TCF4: variants seen among roughly 807,000 people sequenced by gnomAD.
TCF4 encodes transcription factor 4.
In TCF4, 3 loss-of-function variants were observed where a neutral mutation model predicts 82.1. That is an observed-to-expected ratio of 0.04 (90% confidence interval 0.02 to 0.09). TCF4 has a LOEUF of 0.09. Among genes scored for constraint, TCF4 ranks in the 10% least tolerant of loss-of-function variants. The probability of loss-of-function intolerance (pLI) is 1.00; values close to 1 mark genes in which losing one functional copy is unlikely to be tolerated. For missense variants in TCF4, 518 were observed against 852.7 expected, an observed-to-expected ratio of 0.61 and a Z score of 4.89; for synonymous variants, 276 against 309.6, an observed-to-expected ratio of 0.89 and a Z score of 1.14.
intron 2 of TCF4, among the ~76,000 whole-genome samples, chr18:55,593,761 T>C (rs2097688105): frequency 6.6e-6 from 1 of 152,100 alleles, no homozygotes; most frequent in Non-Finnish European, 1.5e-5. Context: ...CATCCAAAGA[T>C]GCAGCAAGTA....
At chr18:55,579,454 CAA>C (rs34291028) in intron 3 of TCF4, among the ~76,000 whole-genome samples, 46 of 150,246 alleles carry the variant, frequency 3.1e-4, no homozygotes, top group East Asian at 1.9e-3. Context: ...TCATAAAATA[CAA>C]AAAAAAAAAT....
intron 15 of TCF4, 96 bp from the exon 16 acceptor site, chr18:55,234,779 A>C (rs979543004): frequency 3.9e-5 from 62 of 1,583,560 alleles, no homozygotes; most frequent in Non-Finnish European, 5.2e-5. Context: ...CTGGCTTTTC[A>C]AAAACCATAC....
intron 4 of TCF4, among the ~76,000 whole-genome samples, chr18:55,462,506 T>A (rs1481093614): frequency 6.6e-6 from 1 of 152,150 alleles, no homozygotes; most frequent in Non-Finnish European, 1.5e-5. Context: ...TTAGAAAATA[T>A]AAATTACACA....
rs151234242 is a variant in TCF4, at chr18:55,395,028, T to C, written c.369+8426A>G. Reference sequence around the variant, plus strand: ...TGTTGCTATCTTTCAGTGTTGCCAATATTTTAATTTGGGGGTTCAGTTTTA... The same window carrying C: ...TGTTGCTATCTTTCAGTGTTGCCAACATTTTAATTTGGGGGTTCAGTTTTA... On this transcript the variant is annotated intron_variant, in intron 6 of 19. Coordinates refer to ENST00000354452, the MANE Select transcript of TCF4 (RefSeq NM_001083962.2). Among the ~76,000 whole-genome samples, 1,031 of 152,336 alleles carry C rather than the reference T, an allele frequency of 6.8e-3. 9 individuals are homozygous for C. The highest frequency in any genetic ancestry group is 0.014 in the Middle Eastern group (4 of 294).
Position 55,567,310 on chromosome 18 carries a change from T to C in TCF4, c.145+17970A>G, listed in dbSNP as rs913036117. On this transcript the variant is annotated intron_variant, in intron 3 of 19. Transcript: ENST00000354452. ...TATAGTAATTCTTAAAATGAATGCA[T>C]GTAATAATATAATTTCAATATGTAT... is the stretch of plus-strand genomic sequence containing the variant. 3.9e-5 allele frequency among the ~76,000 whole-genome samples: 6 copies of C among 152,316 alleles called. No individual in the cohort carries two copies. The South Asian group carries it at 1.0e-3, about 26-fold the overall frequency.
chr18:55,613,335 A>T (rs529563282), intron 2 of TCF4, among the ~76,000 whole-genome samples: 1 of 151,622 alleles, frequency 6.6e-6, no homozygotes, highest in Non-Finnish European at 1.5e-5. Context: ...AATAGTTGGG[A>T]TTTTTTTTGG....
At chr18:55,254,476 T>A in intron 15 of TCF4, 21 bp downstream of exon 15, 1 of 1,606,844 alleles carries the variant, frequency 6.2e-7, no homozygotes, top group East Asian at 2.2e-5. Flanking sequence ...AACTATAGAG[T>A]CTATAAATTT....
At chr18:55,621,977 T>TACAC (rs1321146876) in intron 2 of TCF4, among the ~76,000 whole-genome samples, 2 of 127,784 alleles carry the variant, frequency 1.6e-5, no homozygotes, top group Non-Finnish European at 3.1e-5. Context: ...ATATTATATA[T>TACAC]TATATATACA....
chr18:55,576,829 C>T (rs2097531805), intron 3 of TCF4, among the ~76,000 whole-genome samples: 1 of 152,016 alleles, frequency 6.6e-6, no homozygotes, highest in African/African-American at 2.4e-5. Context: ...AACACAAACT[C>T]GTGAACTTTC....
intron 6 of TCF4, among the ~76,000 whole-genome samples, chr18:55,353,095 G>A (rs2082654691): frequency 6.6e-6 from 1 of 152,116 alleles, no homozygotes; most frequent in African/African-American, 2.4e-5. Flanking sequence ...TTTTAAATGA[G>A]TTTAACCATT....
At chr18:55,601,332 C>A (rs2097696690) in intron 2 of TCF4, among the ~76,000 whole-genome samples, 1 of 152,104 alleles carries the variant, frequency 6.6e-6, no homozygotes, top group Admixed American at 6.5e-5. Context: ...ACCATCTGCC[C>A]ACCTCTTCCC....
intron 3 of TCF4, chr18:55,482,620 T>C (rs2096455750): frequency 6.6e-6 from 1 of 152,220 alleles, no homozygotes; most frequent in African/African-American, 2.4e-5. Context: ...CTTCAGATAC[T>C]TCAGTCTTCC....
chr18:55,438,535 G>C (rs1024379357), intron 5 of TCF4, among the ~76,000 whole-genome samples: 10 of 152,150 alleles, frequency 6.6e-5, no homozygotes, highest in Non-Finnish European at 1.5e-4. Flanking sequence ...ATTGGATGAA[G>C]TCTAACAGCT....
chr18:55,298,042 C>T (rs1160966652), intron 8 of TCF4, among the ~76,000 whole-genome samples: 1 of 151,880 alleles, frequency 6.6e-6, no homozygotes, highest in African/African-American at 2.4e-5. Flanking sequence ...TTTAAAGGTG[C>T]TGTATATAAA....
At chr18:55,318,175 A>G (rs2147379121) in intron 8 of TCF4, among the ~76,000 whole-genome samples, 1 of 152,206 alleles carries the variant, frequency 6.6e-6, no homozygotes, top group Middle Eastern at 3.4e-3. Flanking sequence ...ATCTTCGTGG[A>G]TATGCTATAA....
At chr18:55,557,598 A>ATCAATT (rs2097315887) in intron 3 of TCF4, among the ~76,000 whole-genome samples, 1 of 152,212 alleles carries the variant, frequency 6.6e-6, no homozygotes, top group African/African-American at 2.4e-5. Context: ...CATAGCTGCT[A>ATCAATT]TCAATTTTTT....
chr18:55,394,878 G>A (rs2093398023), intron 6 of TCF4, among the ~76,000 whole-genome samples: 1 of 152,160 alleles, frequency 6.6e-6, no homozygotes, highest in Admixed American at 6.5e-5. Context: ...AAAGAATGGG[G>A]TGCTTCAATT....
chr18:55,612,297 T>C (rs1016567296), intron 2 of TCF4, among the ~76,000 whole-genome samples: 4 of 151,952 alleles, frequency 2.6e-5, no homozygotes, highest in Non-Finnish European at 5.9e-5. Flanking sequence ...CTTCGGGATA[T>C]GAGGGGGGAG....
In TCF4 at chr18:55,230,148, CAAAAA is replaced by C. The variant is rs398041379; in HGVS notation, c.1650-1077_1650-1073del. ...CAACACAGCCAGACTCTGTCTCTTA[CAAAAA>C]AAAAAAAAAAAAAAAGCCAAAAGGT... On this transcript the variant is annotated intron_variant, in intron 17 of 19. Coordinates refer to ENST00000354452, the MANE Select transcript of TCF4 (RefSeq NM_001083962.2). 32 of 103,282 alleles carry C rather than the reference CAAAAA, an allele frequency of 3.1e-4. 1 individual carries two copies. The highest frequency in any genetic ancestry group is 8.3e-4 in the Admixed American group (7 of 8,394). The allele number at this position is 103,282 out of a possible 1,614,324, so 6.4% of individuals were successfully genotyped here.
Sources: allele counts gnomAD v4.1 joint callset (sites outside exome capture counted in the v4.1 genomes callset), GRCh38; gene constraint gnomAD v4.1.1; transcripts MANE v1.5; gene names NCBI Gene and HGNC (gene_info 2026-07-23, HGNC 2026-07-21).